The following ZFHX3 variants were observed in gnomAD, a reference collection of about 807,000 sequenced individuals.
The protein encoded by ZFHX3 is zinc finger homeobox 3, also known as zinc finger homeobox protein 3.
In ZFHX3, 42 loss-of-function variants were observed where a neutral mutation model predicts 279.1. That is an observed-to-expected ratio of 0.15 (90% CI 0.12 to 0.19). ZFHX3 has a LOEUF of 0.19. ZFHX3 is among the 10% of genes least tolerant of loss of function. The pLI, the probability that ZFHX3 is intolerant of heterozygous loss-of-function variation, is 1.00. For synonymous variants in ZFHX3, 2,293 were observed against 1,957.8 expected (o/e 1.17, Z -4.52); for missense variants, 4,981 against 4,754.0 (o/e 1.05, Z -1.40).
At chr16:72,908,762 C>G (rs758949990) in intron 3 of ZFHX3, among the ~76,000 whole-genome samples, 1 of 152,128 alleles carries the variant, frequency 6.6e-6, no homozygotes, top group East Asian at 1.9e-4. Flanking sequence ...CACGGCGATA[C>G]GAGAACCTAC....
intron 4 of ZFHX3, among the ~76,000 whole-genome samples, chr16:73,289,789 C>T (rs112945260): frequency 0.03 from 4,603 of 152,046 alleles, 214 homozygotes; most frequent in African/African-American, 0.1. Context: ...CCAGGTGCAC[C>T]GAAATGTGGC....
At chr16:73,702,276 C>T (rs16972329) in intron 1 of ZFHX3, among the ~76,000 whole-genome samples, 3,763 of 152,090 alleles carry the variant, frequency 0.025, 154 homozygotes, top group African/African-American at 0.086. Flanking sequence ...TGAGCTGAAA[C>T]GTAAGGACAC....
rs1205823407 is a variant in ZFHX3 at position 73,552,031 on chromosome 16, GAGAGAGAGAGAGAC to G, written c.-1546-95787_-1546-95774del. On this transcript the variant is annotated intron_variant, in intron 2 of 17. Coordinates refer to the ZFHX3 transcript ENST00000641206. ...AGTGAATGAGTGAGTGTGTGTGTGT[GAGAGAGAGAGAGAC>G]AGAGAGAGAGAGAAAGAGAGAGAAA... Among the ~76,000 whole-genome samples the G allele has an allele frequency of 7.9e-5, 12 of 151,840 alleles. No individual in the cohort carries two copies. The East Asian group carries it at 2.1e-3, about 27-fold the overall frequency.
chr16:73,315,500 C>G (rs1337946619), intron 4 of ZFHX3, among the ~76,000 whole-genome samples: 1 of 152,118 alleles, frequency 6.6e-6, no homozygotes, highest in African/African-American at 2.4e-5. Context: ...TTTGGACCAT[C>G]CAAAGCCATC....
chr16:73,458,300 C>A (rs1487217185), intron 2 of ZFHX3, among the ~76,000 whole-genome samples: 1 of 150,836 alleles, frequency 6.6e-6, no homozygotes, highest in Non-Finnish European at 1.5e-5. Context: ...CTCTCTCTTT[C>A]CTTCTTTCCC....
chr16:73,734,233 T>A (rs2053591464), intron 1 of ZFHX3, among the ~76,000 whole-genome samples: 1 of 152,166 alleles, frequency 6.6e-6, no homozygotes, highest in South Asian at 2.1e-4. Flanking sequence ...GGCCATGGAC[T>A]ATCACCAGTC....
chr16:73,591,509 C>T (rs2051996084), intron 2 of ZFHX3, among the ~76,000 whole-genome samples: 3 of 150,262 alleles, frequency 2.0e-5, no homozygotes, highest in Middle Eastern at 3.5e-3. Context: ...GTGGCTAACT[C>T]GTGAAACCTT....
chr16:73,241,722 G>T (rs1014415695), intron 5 of ZFHX3, among the ~76,000 whole-genome samples: 3 of 149,614 alleles, frequency 2.0e-5, no homozygotes, highest in Non-Finnish European at 1.5e-5. Flanking sequence ...CCCAGGAGGC[G>T]GAGGTTGCGG....
chr16:73,615,908 T>C (rs1215105865), intron 2 of ZFHX3, among the ~76,000 whole-genome samples: 1 of 152,236 alleles, frequency 6.6e-6, no homozygotes, highest in East Asian at 1.9e-4. Flanking sequence ...TGATGCTTTT[T>C]TAAACTAGCC....
At chr16:73,508,703 A>T (rs1328100387) in intron 2 of ZFHX3, among the ~76,000 whole-genome samples, 1 of 152,178 alleles carries the variant, frequency 6.6e-6, no homozygotes, top group Non-Finnish European at 1.5e-5. Context: ...AATAGTACAC[A>T]CTGGAAATAT....
intron 4 of ZFHX3, among the ~76,000 whole-genome samples, chr16:72,864,146 T>C (rs1033968674): frequency 1.3e-5 from 2 of 152,072 alleles, no homozygotes; most frequent in Admixed American, 1.3e-4. Context: ...TCCCTGACTA[T>C]CCCTCTACAA....
At chr16:73,390,586 C>T (rs550818734) in intron 3 of ZFHX3, among the ~76,000 whole-genome samples, 46 of 152,192 alleles carry the variant, frequency 3.0e-4, no homozygotes, top group Admixed American at 6.5e-4. Context: ...AGACTCATTA[C>T]GGGAAAAGCT....
intron 4 of ZFHX3, among the ~76,000 whole-genome samples, chr16:72,885,248 A>G (rs1403970201): frequency 6.6e-6 from 1 of 152,262 alleles, no homozygotes; most frequent in Non-Finnish European, 1.5e-5. Context: ...ATGGGCACAG[A>G]AGCCTAACTA....
chr16:72,787,632 G>C lies in ZFHX3; in HGVS notation c.10644C>G (p.Leu3548=), dbSNP rs765840615. 16 of 1,612,414 alleles carry C rather than the reference G, an allele frequency of 9.9e-6. No individual in the cohort carries two copies. Among genetic ancestry groups the C allele is most frequent in the South Asian group, 4.4e-5 (4 of 90,930 alleles). Reference sequence around the variant, plus strand: ...TTCTGTGTTTGTGCAAGGCCGACTCGAGATGTTGACTCAGAGCTTCCTCCC... The same window carrying C: ...TTCTGTGTTTGTGCAAGGCCGACTCCAGATGTTGACTCAGAGCTTCCTCCC... The part of the protein sequence containing the change: ...LCGEEALSQH[L]ESALHKHRTI... Residue 3548 remains leucine (L), a synonymous_variant, in exon 10 of 10, where the codon CTC becomes CTG. Coordinates refer to ENST00000268489, the MANE Select transcript of ZFHX3 (RefSeq NM_006885.4).
intron 3 of ZFHX3, among the ~76,000 whole-genome samples, chr16:73,321,224 C>T (rs913537181): frequency 3.9e-5 from 6 of 152,134 alleles, no homozygotes; most frequent in Admixed American, 6.5e-5. Flanking sequence ...TCCTATGATA[C>T]GCTCTGGCTT....
At chr16:73,257,297 C>G (rs1474289221) in intron 4 of ZFHX3, among the ~76,000 whole-genome samples, 1 of 152,208 alleles carries the variant, frequency 6.6e-6, no homozygotes, top group Non-Finnish European at 1.5e-5. Flanking sequence ...CAATACCTCA[C>G]TTGACTTTGT....
chr16:73,770,568 G>T (rs943036653), intron 1 of ZFHX3, among the ~76,000 whole-genome samples: 14 of 152,088 alleles, frequency 9.2e-5, no homozygotes, highest in African/African-American at 3.4e-4. Context: ...TCACTCTCAA[G>T]CATAAGAGTC....
At chr16:72,933,360 G>A (rs1482326563) in intron 3 of ZFHX3, among the ~76,000 whole-genome samples, 1 of 152,128 alleles carries the variant, frequency 6.6e-6, no homozygotes, top group Admixed American at 6.5e-5. Flanking sequence ...CAGGGATTGA[G>A]AAGAGACCTC....
At chr16:73,712,077 C>T (rs557142857) in intron 1 of ZFHX3, among the ~76,000 whole-genome samples, 3 of 152,204 alleles carry the variant, frequency 2.0e-5, no homozygotes, top group Non-Finnish European at 4.4e-5. Context: ...GTGGCTCATA[C>T]GGAGGATGGA....
Sources: allele counts gnomAD v4.1 joint callset (sites outside exome capture counted in the v4.1 genomes callset), GRCh38; gene constraint gnomAD v4.1.1; transcripts MANE v1.5; gene names NCBI Gene and HGNC (gene_info 2026-07-23, HGNC 2026-07-21).